Variants in CDH18 observed in about 807,000 individuals in gnomAD.
CDH18 encodes cadherin 18.
A neutral mutation model predicts 67.9 loss-of-function variants in CDH18; 31 were observed. That is an observed-to-expected ratio of 0.46 (90% CI 0.34 to 0.62). The LOEUF (loss-of-function observed/expected upper bound fraction) is 0.62, where lower values mean the gene tolerates loss of function less well. CDH18 is among the 20% of genes least tolerant of loss of function. CDH18 has a pLI of 0.01. For missense variants in CDH18, 890 were observed against 975.5 expected, an observed-to-expected ratio of 0.91 and a Z score of 1.17; for synonymous variants, 362 against 347.2, an observed-to-expected ratio of 1.04 and a Z score of -0.48.
At chr5:20,388,907 G>T (rs540560280) in intron 1 of CDH18, among the ~76,000 whole-genome samples, 4 of 152,258 alleles carry the variant, frequency 2.6e-5, no homozygotes, top group Non-Finnish European at 4.4e-5. Context: ...TTGCACTGTG[G>T]TCTGAGAGAC....
At chr5:19,785,182 T>C in intron 3 of CDH18, among the ~76,000 whole-genome samples, 1 of 152,036 alleles carries the variant, frequency 6.6e-6, no homozygotes, top group East Asian at 1.9e-4. Flanking sequence ...GGAGTTTGAG[T>C]TTTTAGTCTA....
intron 5 of CDH18, among the ~76,000 whole-genome samples, chr5:19,686,832 T>TA (rs1413237561): frequency 6.6e-6 from 1 of 151,744 alleles, no homozygotes; most frequent in East Asian, 1.9e-4. Context: ...CAAAAAAAAA[T>TA]AAAAAATTAT....
chr5:20,488,673 T>TTTTATATATATATATATATATA (rs1435006497), intron 1 of CDH18, among the ~76,000 whole-genome samples: 17 of 126,970 alleles, frequency 1.3e-4, no homozygotes, highest in South Asian at 2.6e-4. Context: ...GGGTAGTGTT[T>TTTTATATATATATATATATATA]TATATATATA....
intron 1 of CDH18, among the ~76,000 whole-genome samples, chr5:20,316,405 T>A (rs1458928348): frequency 1.1e-4 from 17 of 152,144 alleles, no homozygotes; most frequent in Non-Finnish European, 2.9e-5. Context: ...GTAGATATTC[T>A]AATATTATTG....
Position 20,031,645 on chromosome 5 carries a change from AAAAAC to A in CDH18, c.-517-39636_-517-39632del, listed in dbSNP as rs551188657. Reference sequence around the variant, plus strand: ...GCATACACTATTTTGTATTTTTGAAAAAAACAAAACAAAACAAGAAAAATCTAGAG... The same window carrying A: ...GCATACACTATTTTGTATTTTTGAAAAAAACAAAACAAGAAAAATCTAGAG... On this transcript the variant is annotated intron_variant, in intron 2 of 14. Transcript: ENST00000507958. Among the ~76,000 whole-genome samples, 456 of 152,242 alleles carry A rather than the reference AAAAAC, an allele frequency of 3.0e-3. 3 individuals carry two copies. The highest frequency in any genetic ancestry group is 0.01 in the African/African-American group (425 of 41,558).
At chr5:19,981,223 T>A (rs1203233678) in intron 1 of CDH18, 45 bp from the exon 2 acceptor site, 1 of 152,130 alleles carries the variant, frequency 6.6e-6, no homozygotes, top group East Asian at 1.9e-4. Flanking sequence ...ATAGATCAGA[T>A]AATGTCACCT....
chr5:20,218,126 C>T (rs144546811), intron 2 of CDH18, among the ~76,000 whole-genome samples: 6 of 151,932 alleles, frequency 3.9e-5, no homozygotes, highest in African/African-American at 1.4e-4. Context: ...AGAAAATCAA[C>T]AAAGAAACAT....
At chr5:20,255,333 T>C (rs1744151615) in intron 2 of CDH18, 1 of 152,138 alleles carries the variant, frequency 6.6e-6, no homozygotes, top group Non-Finnish European at 1.5e-5. Context: ...TTAAGAGAAA[T>C]TATGACAACA....
Position 19,825,035 on chromosome 5 carries a change from C to T in CDH18, c.228+13724G>A, listed in dbSNP as rs567288000. On this transcript the variant is annotated intron_variant, in intron 3 of 12. Coordinates refer to ENST00000382275, the MANE Select transcript of CDH18 (RefSeq NM_004934.5). ...CTTTTTTGTGAACTCAGCTGGAATG[C>T]ACAGCTTCTGGTTGTCCCAGGAAGC... is the stretch of plus-strand genomic sequence containing the variant. Among the ~76,000 whole-genome samples the T allele has an allele frequency of 2.6e-5, 4 of 152,302 alleles. No homozygotes were observed. The East Asian group carries it at 7.7e-4, about 30-fold the overall frequency.
intron 2 of CDH18, among the ~76,000 whole-genome samples, chr5:20,047,240 A>G (rs1740985529): frequency 1.3e-5 from 2 of 151,898 alleles, no homozygotes; most frequent in East Asian, 1.9e-4. Flanking sequence ...TTATATATGA[A>G]TGCATGCAAG....
rs1270536084 is a variant in CDH18 at position 19,477,132 on chromosome 5, ATATATATATATT to A, written c.1883-3428_1883-3417del. Among the ~76,000 whole-genome samples, 4 of 147,972 alleles carry A rather than the reference ATATATATATATT, an allele frequency of 2.7e-5. No homozygotes were observed. In the Admixed American group the frequency reaches 2.7e-4, roughly 10 times the overall value. On this transcript the variant is annotated intron_variant, in intron 12 of 12. Coordinates refer to ENST00000382275, the MANE Select transcript of CDH18 (RefSeq NM_004934.5). ...ACATACTTATTTAATAAAAGGAGAT[ATATATATATATT>A]TATATATATATATGTATAAAATCAA...
At chr5:20,274,773 G>A (rs529488742) in intron 1 of CDH18, among the ~76,000 whole-genome samples, 48 of 152,158 alleles carry the variant, frequency 3.2e-4, no homozygotes, top group Middle Eastern at 3.4e-3. Context: ...GGCTTTTGGC[G>A]TATTATCATA....
rs535492387 is a variant in CDH18, at chr5:20,320,910, C to G, written c.-579-65405G>C. ...TAGTATGTACAGGAGTCTTTTTGTC[C>G]CCTGGGAAACCTATTGTAGCTGTTT... On this transcript the variant is annotated intron_variant, in intron 1 of 14. Coordinates refer to the CDH18 transcript ENST00000507958. 2.6e-5 allele frequency among the ~76,000 whole-genome samples: 4 copies of G among 152,098 alleles called. No individual in the cohort carries two copies. The South Asian group carries it at 8.3e-4, about 32-fold the overall frequency.
chr5:20,069,300 C>A (rs1743244241), intron 2 of CDH18, among the ~76,000 whole-genome samples: 1 of 152,050 alleles, frequency 6.6e-6, no homozygotes, highest in African/African-American at 2.4e-5. Flanking sequence ...TCTTCTCAAG[C>A]CTGAGGCTAT....
intron 1 of CDH18, among the ~76,000 whole-genome samples, chr5:20,437,174 T>A (rs1461359100): frequency 6.6e-6 from 1 of 151,280 alleles, no homozygotes; most frequent in Non-Finnish European, 1.5e-5. Flanking sequence ...ATGTTAAATA[T>A]TCATTGTATG....
chr5:19,978,313 A>G (rs1579917735), intron 2 of CDH18, among the ~76,000 whole-genome samples: 1 of 152,182 alleles, frequency 6.6e-6, no homozygotes. Context: ...CAGGAAACTA[A>G]CCTTTGGGTT....
chr5:20,095,424 A>AAAGAAAGG (rs1554089640), intron 2 of CDH18, among the ~76,000 whole-genome samples: 2 of 145,066 alleles, frequency 1.4e-5, no homozygotes, highest in Admixed American at 1.4e-4. Flanking sequence ...AGAAAGAAAG[A>AAAGAAAGG]AAGAAAGAAA....
intron 4 of CDH18, 103 bp from the exon 5 acceptor site, chr5:19,721,569 C>T: frequency 1.1e-6 from 1 of 920,202 alleles, no homozygotes; most frequent in African/African-American, 1.6e-5. Context: ...GAGATCAGTA[C>T]TGGTTGTGTC....
At chr5:19,626,157 GA>G (rs1451485472) in intron 5 of CDH18, among the ~76,000 whole-genome samples, 1 of 152,202 alleles carries the variant, frequency 6.6e-6, no homozygotes, top group East Asian at 1.9e-4. Context: ...TTCATGGGGA[GA>G]GGACACCACT....
Sources: allele counts gnomAD v4.1 joint callset (sites outside exome capture counted in the v4.1 genomes callset), GRCh38; gene constraint gnomAD v4.1.1; transcripts MANE v1.5; gene names NCBI Gene and HGNC (gene_info 2026-07-23, HGNC 2026-07-21).